The following BIRC6 variants were observed in gnomAD, a reference collection of about 807,000 sequenced individuals.
The protein encoded by BIRC6 is baculoviral IAP repeat containing 6, also known as dual E2 ubiquitin-conjugating enzyme/E3 ubiquitin-protein ligase BIRC6.
BIRC6 carries 98 observed loss-of-function variants against 503.3 expected under a neutral mutation model. That is an observed-to-expected ratio of 0.19 (90% confidence interval 0.17 to 0.23). BIRC6 has a LOEUF of 0.23. Ranked by LOEUF, BIRC6 falls within the 10% of genes least tolerant of loss-of-function variation. BIRC6 has a pLI of 1.00. For missense variants in BIRC6, 5,360 were observed against 5,806.0 expected, an observed-to-expected ratio of 0.92 and a Z score of 2.50; for synonymous variants, 2,240 against 2,078.7, an observed-to-expected ratio of 1.08 and a Z score of -2.11.
intron 51 of BIRC6, among the ~76,000 whole-genome samples, chr2:32,509,524 A>G (rs2054176265): frequency 6.6e-6 from 1 of 152,166 alleles, no homozygotes; most frequent in Non-Finnish European, 1.5e-5. Flanking sequence ...AAGTGCTGAG[A>G]TTACAGGTGT....
intron 66 of BIRC6, among the ~76,000 whole-genome samples, chr2:32,590,065 C>T (rs1234936138): frequency 6.6e-6 from 1 of 152,078 alleles, no homozygotes; most frequent in African/African-American, 2.4e-5. Context: ...TCACAGAAAA[C>T]ATTTATAGTA....
intron 54 of BIRC6, among the ~76,000 whole-genome samples, chr2:32,513,643 G>T (rs912918418): frequency 6.6e-6 from 1 of 152,190 alleles, no homozygotes; most frequent in African/African-American, 2.4e-5. Flanking sequence ...GGGCACAGTG[G>T]CTCATGCCTG....
intron 65 of BIRC6, among the ~76,000 whole-genome samples, chr2:32,556,807 C>T (rs369421692): frequency 7.8e-4 from 118 of 152,032 alleles, no homozygotes; most frequent in African/African-American, 2.7e-3. Context: ...GTGTGGTGGA[C>T]GGGCACCTGT....
At chr2:32,598,640 A>G (rs2061832688) in intron 69 of BIRC6, among the ~76,000 whole-genome samples, 1 of 152,170 alleles carries the variant, frequency 6.6e-6, no homozygotes, top group South Asian at 2.1e-4. Flanking sequence ...TATATTTATG[A>G]TTTAATTCAT....
intron 1 of BIRC6, among the ~76,000 whole-genome samples, chr2:32,359,847 G>C (rs553838375): frequency 4.6e-5 from 7 of 152,212 alleles, no homozygotes; most frequent in African/African-American, 1.7e-4. Context: ...GGTATTACAG[G>C]CATGAGCTGT....
intron 1 of BIRC6, among the ~76,000 whole-genome samples, chr2:32,369,902 G>A (rs1201949139): frequency 1.6e-5 from 2 of 122,734 alleles, no homozygotes; most frequent in Non-Finnish European, 3.2e-5. Flanking sequence ...GTTAGCCTGG[G>A]CAACATAGTG....
At chr2:32,412,287 A>C (rs1285582864) in intron 9 of BIRC6, among the ~76,000 whole-genome samples, 1 of 152,094 alleles carries the variant, frequency 6.6e-6, no homozygotes, top group African/African-American at 2.4e-5. Context: ...TCACGAGGTC[A>C]GGAGTTCGAC....
chr2:32,596,545 A>G (rs2061687030), intron 68 of BIRC6, among the ~76,000 whole-genome samples: 1 of 151,960 alleles, frequency 6.6e-6, no homozygotes, highest in Non-Finnish European at 1.5e-5. Flanking sequence ...AAAAAGCCAT[A>G]GTGCCTGTTA....
intron 16 of BIRC6, among the ~76,000 whole-genome samples, chr2:32,440,427 A>G (rs2045282358): frequency 1.3e-5 from 2 of 152,190 alleles, no homozygotes; most frequent in Non-Finnish European, 2.9e-5. Flanking sequence ...ATTTTCTGAA[A>G]GTAGCTGTGA....
At chr2:32,530,505 C>T (rs574855015) in intron 60 of BIRC6, among the ~76,000 whole-genome samples, 85 of 152,238 alleles carry the variant, frequency 5.6e-4, no homozygotes, top group African/African-American at 1.9e-3. Flanking sequence ...CCACCGCACC[C>T]GGCCCTTATA....
intron 57 of BIRC6, among the ~76,000 whole-genome samples, chr2:32,523,846 G>T (rs1311342424): frequency 2.0e-5 from 3 of 152,122 alleles, no homozygotes; most frequent in African/African-American, 7.2e-5. Context: ...TTGAGCCCAG[G>T]ATTTTGACAA....
At chr2:32,440,119 C>A (rs1045319041) in intron 16 of BIRC6, among the ~76,000 whole-genome samples, 1 of 152,314 alleles carries the variant, frequency 6.6e-6, no homozygotes, top group East Asian at 1.9e-4. Context: ...CTCAGGTGAT[C>A]TGCCCACCTT....
At chr2:32,426,640 A>G (rs2043530017) in intron 10 of BIRC6, among the ~76,000 whole-genome samples, 1 of 152,202 alleles carries the variant, frequency 6.6e-6, no homozygotes, top group African/African-American at 2.4e-5. Flanking sequence ...AAAACATGTT[A>G]CAATTATTTT....
intron 23 of BIRC6, among the ~76,000 whole-genome samples, chr2:32,456,860 A>G (rs1200747590): frequency 3.3e-5 from 5 of 152,184 alleles, no homozygotes; most frequent in African/African-American, 1.2e-4. Context: ...AGTTTTATAC[A>G]CTTTGAGACC....
At chr2:32,554,705 A>G (rs2058659142) in intron 65 of BIRC6, among the ~76,000 whole-genome samples, 1 of 152,042 alleles carries the variant, frequency 6.6e-6, no homozygotes, top group African/African-American at 2.4e-5. Flanking sequence ...TTGATATACC[A>G]TCTGATTTTT....
intron 69 of BIRC6, among the ~76,000 whole-genome samples, chr2:32,598,665 G>A (rs999073147): frequency 2.0e-5 from 3 of 152,098 alleles, no homozygotes; most frequent in African/African-American, 4.8e-5. Context: ...TAAACATTCT[G>A]TCTTCCATAG....
chr2:32,485,927 A>G (rs2050934977), intron 40 of BIRC6, among the ~76,000 whole-genome samples, 168 bp downstream of exon 40: 1 of 152,200 alleles, frequency 6.6e-6, no homozygotes, highest in African/African-American at 2.4e-5. Context: ...GAAAACTAAG[A>G]CAAAGGATTA....
rs6747322 is a variant in BIRC6 at position 32,510,901 on chromosome 2, A to G, written c.10346+267A>G. Among the ~76,000 whole-genome samples the G allele has an allele frequency of 3.4e-3, 525 of 152,288 alleles. 9 individuals carry two copies. The highest frequency in any genetic ancestry group is 0.012 in the African/African-American group (513 of 41,562). ...CTGCTTTTGAGGAATGGAATAAAAC[A>G]TATATTTTTAAGTTGGCTACGTGTG... On this transcript the variant is annotated intron_variant, in intron 53 of 73. Transcript: ENST00000421745.
chr2:32,580,525 G>A (rs1486773203), intron 66 of BIRC6, among the ~76,000 whole-genome samples: 1 of 152,152 alleles, frequency 6.6e-6, no homozygotes, highest in Non-Finnish European at 1.5e-5. Flanking sequence ...GATGAGCCTG[G>A]AGAGGAAATC....
Sources: allele counts gnomAD v4.1 joint callset (sites outside exome capture counted in the v4.1 genomes callset), GRCh38; gene constraint gnomAD v4.1.1; transcripts MANE v1.5; gene names NCBI Gene and HGNC (gene_info 2026-07-23, HGNC 2026-07-21).